Variants in TRPM4 observed in about 807,000 individuals in gnomAD.
TRPM4 encodes transient receptor potential cation channel subfamily M member 4, also known as calcium-activated non-selective cation channel 1.
Under a neutral mutation model 135.6 loss-of-function variants are expected in TRPM4, and 124 were observed. That is an observed-to-expected ratio of 0.91 (90% CI 0.79 to 1.06). The LOEUF is 1.06. Among genes scored for constraint, TRPM4 ranks in the 50% least tolerant of loss-of-function variants. The pLI is 0.00. For missense variants in TRPM4, 1,658 were observed against 1,671.4 expected, an observed-to-expected ratio of 0.99 and a Z score of 0.14; for synonymous variants, 745 against 705.6, an observed-to-expected ratio of 1.06 and a Z score of -0.88.
Position 49,190,411 on chromosome 19 carries a change from G to A in TRPM4, c.2132+91G>A, listed in dbSNP as rs79488090. ...CTCTGCCCACCTTTCTTCCCTCATC[G>A]GCCCATTGTGTCCCTTCCCTAGGAA... On this transcript the variant is annotated intron_variant, in intron 15 of 24. Coordinates refer to ENST00000252826, the MANE Select transcript of TRPM4 (RefSeq NM_017636.4). 6,283 of 1,162,810 alleles carry A rather than the reference G, an allele frequency of 5.4e-3. 139 individuals are homozygous for A. In the African/African-American group the frequency reaches 0.058, roughly 11 times the overall value. The allele number at this position is 1,162,810 out of a possible 1,614,324, so 72.0% of individuals were successfully genotyped here. A position where few individuals can be genotyped will look rare whatever the true frequency, so the allele number is the denominator to read the frequency against.
At chr19:49,188,373 G>T (rs759676848) in intron 12 of TRPM4, among the ~76,000 whole-genome samples, 1 of 152,162 alleles carries the variant, frequency 6.6e-6, no homozygotes, top group Non-Finnish European at 1.5e-5. Context: ...GCCTCCAACT[G>T]CTTCTTGACC....
In TRPM4 at chr19:49,182,913, C is replaced by CGGGGA. The variant is rs1489741844; in HGVS notation, c.1601_1605dup (p.Ser536GlyfsTer36). 1 of 1,592,678 alleles carries CGGGGA rather than the reference C, an allele frequency of 6.3e-7. No individual in the cohort carries two copies. Among genetic ancestry groups the CGGGGA allele is most frequent in the Non-Finnish European group, 8.5e-7 (1 of 1,169,964 alleles). ...GGGACCCTCACCCAGGCCAGGGCTT[C>CGGGGA]GGGGAGAGCGTAAGGACCGGGCAAA... On this transcript the variant is annotated frameshift_variant, in exon 11 of 25. Coordinates refer to ENST00000252826, the MANE Select transcript of TRPM4 (RefSeq NM_017636.4). LOFTEE classifies it high-confidence loss of function.
At chr19:49,186,652 G>A (rs1044299122) in intron 12 of TRPM4, among the ~76,000 whole-genome samples, 2 of 152,100 alleles carry the variant, frequency 1.3e-5, no homozygotes, top group East Asian at 1.9e-4. Flanking sequence ...CAGGTGGATC[G>A]CCTGAGGTCA....
In TRPM4 at chr19:49,189,861, A is replaced by G. The variant is rs1175792; in HGVS notation, c.2020-347A>G. On this transcript the variant is annotated intron_variant, in intron 14 of 24. Coordinates refer to ENST00000252826, the MANE Select transcript of TRPM4 (RefSeq NM_017636.4). ...TGGATTCCAGCTCTACCACATACAA[A>G]CTGTGTTTCTTTGGGCCGTTTCCTT... is the stretch of plus-strand genomic sequence containing the variant. Among the ~76,000 whole-genome samples the G allele has an allele frequency of 0.34, 52,224 of 151,726 alleles. 9,320 individuals carry two copies. Among genetic ancestry groups the G allele is most frequent in the African/African-American group, 0.43 (17,785 of 41,318 alleles).
At chr19:49,173,513 A>G (rs7259663) in intron 9 of TRPM4, among the ~76,000 whole-genome samples, 4,406 of 152,308 alleles carry the variant, frequency 0.029, 107 homozygotes, top group African/African-American at 0.052. Context: ...TACATGAAGC[A>G]CTCTGGCTAG....
intron 2 of TRPM4, among the ~76,000 whole-genome samples, chr19:49,165,414 A>ATGACT (rs1296716527): frequency 1.3e-5 from 2 of 152,284 alleles, no homozygotes; most frequent in African/African-American, 4.8e-5. Flanking sequence ...TGAAAAAGGA[A>ATGACT]TGACTTTCTC....
chr19:49,171,342 CTCT>C lies in TRPM4; in HGVS notation c.797-10_797-8del. The C allele has an allele frequency of 6.2e-7, 1 of 1,614,186 alleles. No homozygotes were observed. The highest frequency in any genetic ancestry group is 8.5e-7 in the Non-Finnish European group (1 of 1,180,032). On this transcript the variant is annotated splice_polypyrimidine_tract_variant and intron_variant, in intron 6 of 24. Transcript: ENST00000252826. This position sits in a 1 kb window ranked among gnomAD's most constrained non-coding sequence, Gnocchi z 4.7. ...TGATGGGAGGTAATCAAGCCCCCTTCTCTTCTTGCCTCAGGGACTGGAATTGAC... is the reference window on the plus strand; with the variant it reads ...TGATGGGAGGTAATCAAGCCCCCTTCTCTTGCCTCAGGGACTGGAATTGAC...
rs757067985 is a variant in TRPM4 at position 49,202,053 on chromosome 19, T to G, written c.3043T>G (p.Tyr1015Asp). Residue 1015 changes from tyrosine (Y) to aspartate (D), a missense_variant, in exon 20 of 25, where the codon TAT becomes GAT. Tyr to Asp is a radical substitution (Grantham distance 160). Coordinates refer to ENST00000252826, the MANE Select transcript of TRPM4 (RefSeq NM_017636.4). Reference protein sequence around the residue: ...GAQAGTCVSQYANWLVVLLLV... With the variant: ...GAQAGTCVSQDANWLVVLLLV... ...CCAGGCGGGCACCTGCGTCTCCCAG[T>G]ATGCCAACTGGCTGGTGGTGCTGCT... The G allele has an allele frequency of 2.5e-5, 41 of 1,613,956 alleles. No homozygotes were observed. Among genetic ancestry groups the G allele is most frequent in the Non-Finnish European group, 3.3e-5 (39 of 1,180,038 alleles).
intron 20 of TRPM4, among the ~76,000 whole-genome samples, chr19:49,203,371 G>A (rs539938500): frequency 7.3e-5 from 11 of 151,414 alleles, no homozygotes; most frequent in Non-Finnish European, 1.6e-4. Context: ...AGTAGAGATG[G>A]GGTTTCACCG....
At chr19:49,182,462 AT>A (rs1568471094) in intron 10 of TRPM4, 115 bp from the exon 11 acceptor site, 21 of 385,532 alleles carry the variant, frequency 5.4e-5, no homozygotes, top group African/African-American at 6.6e-5. Context: ...CCATCCATCC[AT>A]CCATCCATCC....
chr19:49,182,237 T>TATCC (rs1161420246), intron 10 of TRPM4, among the ~76,000 whole-genome samples: 5 of 124,936 alleles, frequency 4.0e-5, no homozygotes, highest in Non-Finnish European at 6.8e-5. Context: ...TCCATCCATC[T>TATCC]ATCCATCCAT....
intron 12 of TRPM4, among the ~76,000 whole-genome samples, chr19:49,186,768 G>T (rs1311442569): frequency 2.0e-5 from 3 of 151,976 alleles, no homozygotes; most frequent in Non-Finnish European, 2.9e-5. Flanking sequence ...AGCTACTCGG[G>T]AGGCTGAGGC....
In TRPM4 at chr19:49,210,425, T is replaced by TA; in HGVS notation, c.3328+25dup. On this transcript the variant is annotated intron_variant, in intron 21 of 24. Coordinates refer to ENST00000252826, the MANE Select transcript of TRPM4 (RefSeq NM_017636.4). The surrounding 1 kb of genome is among the most constrained non-coding windows in gnomAD (Gnocchi z 4.1). ...ATTTCCGTAAGAACAGAGCTTGGCT[T>TA]AAAAAGGAGAAATATAGGGGACCGG... 1 of 1,610,772 alleles carries TA rather than the reference T, an allele frequency of 6.2e-7. No individual in the cohort carries two copies. The highest frequency in any genetic ancestry group is 8.5e-7 in the Non-Finnish European group (1 of 1,179,450).
intron 9 of TRPM4, among the ~76,000 whole-genome samples, chr19:49,175,854 C>T (rs956611867): frequency 5.4e-5 from 8 of 149,168 alleles, no homozygotes; most frequent in Non-Finnish European, 1.2e-4. Flanking sequence ...GTCTCGATCT[C>T]CTGACCTTGT....
At chr19:49,160,390 A>C (rs1966915554) in intron 2 of TRPM4, among the ~76,000 whole-genome samples, 1 of 151,692 alleles carries the variant, frequency 6.6e-6, no homozygotes, top group South Asian at 2.1e-4. Flanking sequence ...CTCAGGAGGC[A>C]GGAGAATCAC....
At position 49,196,908 on chromosome 19, in the gene TRPM4, T is replaced by C. The variant is rs780350892; in HGVS notation, c.2645+34T>C. 1.4e-5 allele frequency: 21 copies of C among 1,537,180 alleles called. No individual in the cohort carries two copies. In the East Asian group the frequency reaches 4.3e-4, roughly 32 times the overall value. ...CCCGGGGCCTTGGAACCCTGGCCCC[T>C]GGCCACCTCTCATCCTTCCTGCCCA... On this transcript the variant is annotated intron_variant, in intron 17 of 24. Coordinates refer to ENST00000252826, the MANE Select transcript of TRPM4 (RefSeq NM_017636.4).
chr19:49,184,726 T>G (rs773091587), intron 12 of TRPM4, among the ~76,000 whole-genome samples: 5 of 151,402 alleles, frequency 3.3e-5, no homozygotes, highest in Non-Finnish European at 7.4e-5. Context: ...TGATCTGCCC[T>G]CCTCGGCCTC....
chr19:49,200,123 G>A (rs991319820), intron 17 of TRPM4, among the ~76,000 whole-genome samples, 177 bp from the exon 18 acceptor site: 14 of 152,122 alleles, frequency 9.2e-5, no homozygotes, highest in African/African-American at 2.7e-4. Flanking sequence ...GGGTGCCAGG[G>A]CCCTGCATGG....
intron 18 of TRPM4, 21 bp downstream of exon 18, chr19:49,200,453 A>T (rs1231191971): frequency 1.3e-6 from 2 of 1,586,502 alleles, no homozygotes; most frequent in South Asian, 1.1e-5. Flanking sequence ...GGCGGGGCCA[A>T]AGTGGGCGGG....
Sources: gnomAD v4.1 joint callset for allele counts (sites outside exome capture counted in the v4.1 genomes callset) on GRCh38, gnomAD v4.1.1 for gene constraint, Gnocchi (gnomAD v3.1) non-coding constraint, MANE v1.5 for transcripts, NCBI Gene and HGNC (gene_info 2026-07-23, HGNC 2026-07-21) for gene names.